AGPAT4: variants seen among roughly 807,000 people sequenced by gnomAD.
AGPAT4 encodes 1-acyl-sn-glycerol-3-phosphate acyltransferase delta.
Under a neutral mutation model 48.0 loss-of-function variants are expected in AGPAT4, and 15 were observed. The observed-to-expected ratio is 0.31, with a 90% confidence interval of 0.21 to 0.48. The LOEUF (loss-of-function observed/expected upper bound fraction) is 0.48. Among genes scored for constraint, AGPAT4 ranks in the 20% least tolerant of loss-of-function variants. The pLI, the probability that AGPAT4 is intolerant of heterozygous loss-of-function variation, is 0.99. For missense variants in AGPAT4, 314 were observed against 482.5 expected, an observed-to-expected ratio of 0.65 and a Z score of 3.27; for synonymous variants, 178 against 198.7, an observed-to-expected ratio of 0.90 and a Z score of 0.88.
At chr6:161,191,656 C>G (rs1388592705) in intron 2 of AGPAT4, among the ~76,000 whole-genome samples, 1 of 152,182 alleles carries the variant, frequency 6.6e-6, no homozygotes, top group Non-Finnish European at 1.5e-5. Context: ...ATTAAAAGTA[C>G]AAGGTTAAAT....
chr6:161,242,013 G>A lies in AGPAT4; in HGVS notation c.-89-9711C>T, dbSNP rs770607719. ...CTTCCAAAGTGCTGGGATTACAGGC[G>A]TGAGCCACAGCACCTGGCCAAAAAT... is the stretch of plus-strand genomic sequence containing the variant. On this transcript the variant is annotated intron_variant, in intron 1 of 8. Coordinates refer to ENST00000320285, the MANE Select transcript of AGPAT4 (RefSeq NM_020133.3). The surrounding 1 kb of genome is among the most constrained non-coding windows in gnomAD (Gnocchi z 5.0). 2.1e-4 allele frequency among the ~76,000 whole-genome samples: 32 copies of A among 152,214 alleles called. No homozygotes were observed. Among genetic ancestry groups the A allele is most frequent in the Non-Finnish European group, 4.0e-4 (27 of 68,046 alleles).
In AGPAT4 at chr6:161,219,385, G is replaced by A. The variant is rs931916812; in HGVS notation, c.178+12651C>T. 4.3e-4 allele frequency among the ~76,000 whole-genome samples: 65 copies of A among 151,624 alleles called. No homozygotes were observed. The highest frequency in any genetic ancestry group is 8.4e-4 in the Non-Finnish European group (57 of 67,974). Reference sequence around the variant, plus strand: ...ATGATAGAATATGATGGCATGATACGAGATGAGATAAAAGGAACATAAATA... The same window carrying A: ...ATGATAGAATATGATGGCATGATACAAGATGAGATAAAAGGAACATAAATA... On this transcript the variant is annotated intron_variant, in intron 2 of 8. Transcript: ENST00000320285. The surrounding 1 kb of genome is among the most constrained non-coding windows in gnomAD (Gnocchi z 4.9).
chr6:161,252,678 T>G (rs1193680504), intron 1 of AGPAT4, among the ~76,000 whole-genome samples: 1 of 151,388 alleles, frequency 6.6e-6, no homozygotes, highest in Non-Finnish European at 1.5e-5. Context: ...GTCATGGTGG[T>G]GCACATCTGT....
rs112510163 is a variant in AGPAT4 at position 161,155,578 on chromosome 6, T to C, written c.349-1268A>G. Among the ~76,000 whole-genome samples, 10 of 152,246 alleles carry C rather than the reference T, an allele frequency of 6.6e-5. No homozygotes were observed. Among genetic ancestry groups the C allele is most frequent in the African/African-American group, 2.4e-4 (10 of 41,466 alleles). ...CTACTTTAAAAAAACAAGAAACTTCTTCCCTCACATGGGATAGAAAAGGCA... is the reference window on the plus strand; with the variant it reads ...CTACTTTAAAAAAACAAGAAACTTCCTCCCTCACATGGGATAGAAAAGGCA... On this transcript the variant is annotated intron_variant, in intron 3 of 8. Coordinates refer to ENST00000320285, the MANE Select transcript of AGPAT4 (RefSeq NM_020133.3). This position sits in a 1 kb window ranked among gnomAD's most constrained non-coding sequence, Gnocchi z 5.8.
rs190592518 is a variant in AGPAT4 at position 161,232,866 on chromosome 6, A to G, written c.-89-564T>C. On this transcript the variant is annotated intron_variant, in intron 1 of 8. Transcript: ENST00000320285. This position sits in a 1 kb window ranked among gnomAD's most constrained non-coding sequence, Gnocchi z 6.8. ...ATACCCAGAGTGGGTGCCACCCCTCAAGCAACCGGGACTAGGGAAGCATTT... is the reference window on the plus strand; with the variant it reads ...ATACCCAGAGTGGGTGCCACCCCTCGAGCAACCGGGACTAGGGAAGCATTT... Among the ~76,000 whole-genome samples, 145 of 152,330 alleles carry G rather than the reference A, an allele frequency of 9.5e-4. No homozygotes were observed. The highest frequency in any genetic ancestry group is 3.3e-3 in the African/African-American group (137 of 41,576).
Position 161,166,255 on chromosome 6 carries a change from A to T in AGPAT4, c.341T>A (p.Leu114Gln), listed in dbSNP as rs755548921. 1 of 1,614,030 alleles carries T rather than the reference A, an allele frequency of 6.2e-7. No individual in the cohort carries two copies. Among genetic ancestry groups the T allele is most frequent in the Non-Finnish European group, 8.5e-7 (1 of 1,179,950 alleles). Residue 114 changes from leucine to glutamine, a missense_variant, in exon 3 of 9, where the codon CTG becomes CAG. By Grantham distance (113) the Leu-to-Gln change is moderately radical. Transcript: ENST00000320285. The surrounding 1 kb of genome is among the most constrained non-coding windows in gnomAD (Gnocchi z 6.7). ...CGWSLSERFG[L>Q]LGGSKVLAKK... Reference sequence around the variant, plus strand: ...AATGCACTTCTGACTTACCCCTAACAGCCCAAAGCGTTCGGACAGGCTCCA... The same window carrying T: ...AATGCACTTCTGACTTACCCCTAACTGCCCAAAGCGTTCGGACAGGCTCCA...
At chr6:161,207,235 T>C (rs1357551133) in intron 2 of AGPAT4, among the ~76,000 whole-genome samples, 1 of 152,228 alleles carries the variant, frequency 6.6e-6, no homozygotes, top group Non-Finnish European at 1.5e-5. Context: ...TTAAAAGTAG[T>C]AATGAAATCA....
At position 161,215,329 on chromosome 6, in the gene AGPAT4, G is replaced by A. The variant is rs540866345; in HGVS notation, c.178+16707C>T. Among the ~76,000 whole-genome samples the A allele has an allele frequency of 6.6e-5, 10 of 152,238 alleles. 1 individual carries two copies. The highest frequency in any genetic ancestry group is 6.8e-3 in the Middle Eastern group (2 of 294). ...GTTGAAAATGTTTACACATCCCAGC[G>A]GACATATTTGTGCTGAATCTCAAGG... On this transcript the variant is annotated intron_variant, in intron 2 of 8. Coordinates refer to ENST00000320285, the MANE Select transcript of AGPAT4 (RefSeq NM_020133.3). This position sits in a 1 kb window ranked among gnomAD's most constrained non-coding sequence, Gnocchi z 4.5.
At chr6:161,250,711 CA>C (rs1407063132) in intron 1 of AGPAT4, among the ~76,000 whole-genome samples, 1 of 151,858 alleles carries the variant, frequency 6.6e-6, no homozygotes, top group Admixed American at 6.6e-5. Context: ...CAAATATTGC[CA>C]AAATATTTGT....
rs1781818871 is a variant in AGPAT4 at position 161,220,958 on chromosome 6, T to A, written c.178+11078A>T. On this transcript the variant is annotated intron_variant, in intron 2 of 8. Coordinates refer to ENST00000320285, the MANE Select transcript of AGPAT4 (RefSeq NM_020133.3). The surrounding 1 kb of genome is among the most constrained non-coding windows in gnomAD (Gnocchi z 6.0). The stretch of plus-strand genomic sequence containing the variant: ...GCCACCACACCTGGCTAATTTTTTT[T>A]ATTTTTAGTAGAGACGGGGTTTACC... Among the ~76,000 whole-genome samples, 1 of 151,966 alleles carries A rather than the reference T, an allele frequency of 6.6e-6. No homozygotes were observed.
intron 1 of AGPAT4, among the ~76,000 whole-genome samples, chr6:161,258,171 A>G (rs1001866245): frequency 3.3e-5 from 5 of 152,162 alleles, no homozygotes; most frequent in African/African-American, 1.2e-4. Flanking sequence ...TTTTTCCTCC[A>G]TGAGACCTCA....
intron 1 of AGPAT4, among the ~76,000 whole-genome samples, chr6:161,237,312 C>T (rs6455711): frequency 0.46 from 69,903 of 152,150 alleles, 17,134 homozygotes; most frequent in African/African-American, 0.62. Flanking sequence ...AGGGCACATA[C>T]TGAAAAAGTG....
chr6:161,198,721 G>C lies in AGPAT4; in HGVS notation c.179-32304C>G, dbSNP rs1460746251. On this transcript the variant is annotated intron_variant, in intron 2 of 8. Transcript: ENST00000320285. This position sits in a 1 kb window ranked among gnomAD's most constrained non-coding sequence, Gnocchi z 4.3. ...TAAGCTCACATGTAGAAGGAACTCC[G>C]CAGAGTGCTGGGAACACTATATGCA... Among the ~76,000 whole-genome samples the C allele has an allele frequency of 6.6e-6, 1 of 151,568 alleles. No homozygotes were observed. The highest frequency in any genetic ancestry group is 2.1e-4 in the South Asian group (1 of 4,824).
rs1583277748 is a variant in AGPAT4 at position 161,144,936 on chromosome 6, G to A, written c.843+1588C>T. 6.6e-6 allele frequency among the ~76,000 whole-genome samples: 1 copy of A among 151,790 alleles called. No individual in the cohort carries two copies. Among genetic ancestry groups the A allele is most frequent in the Non-Finnish European group, 1.5e-5 (1 of 68,006 alleles). On this transcript the variant is annotated intron_variant, in intron 7 of 8. Transcript: ENST00000320285. The surrounding 1 kb of genome is among the most constrained non-coding windows in gnomAD (Gnocchi z 6.6). Reference sequence around the variant, plus strand: ...GCAGAGCTTGCAGTGAGCCGAGATCGCGCCACTGCACTCCAGCCTGGGAGA... The same window carrying A: ...GCAGAGCTTGCAGTGAGCCGAGATCACGCCACTGCACTCCAGCCTGGGAGA...
intron 1 of AGPAT4, among the ~76,000 whole-genome samples, chr6:161,260,167 G>A (rs968404391): frequency 6.6e-6 from 1 of 152,180 alleles, no homozygotes; most frequent in Non-Finnish European, 1.5e-5. Context: ...GCACATGGGA[G>A]TGTCCTCTTC....
rs137907248 is a variant in AGPAT4, at chr6:161,198,249, G to A, written c.179-31832C>T. On this transcript the variant is annotated intron_variant, in intron 2 of 8. Coordinates refer to ENST00000320285, the MANE Select transcript of AGPAT4 (RefSeq NM_020133.3). This position sits in a 1 kb window ranked among gnomAD's most constrained non-coding sequence, Gnocchi z 4.3. ...TCTAAATTATACTTCTTGCTTGTACGTAAATATAATCTCAAGTAATTTTTC... is the reference window on the plus strand; with the variant it reads ...TCTAAATTATACTTCTTGCTTGTACATAAATATAATCTCAAGTAATTTTTC... Among the ~76,000 whole-genome samples the A allele has an allele frequency of 2.6e-4, 39 of 152,272 alleles. 1 individual carries two copies. Among genetic ancestry groups the A allele is most frequent in the African/African-American group, 7.9e-4 (33 of 41,550 alleles).
Position 161,175,257 on chromosome 6 carries a change from G to A in AGPAT4, c.179-8840C>T, listed in dbSNP as rs562538026. Among the ~76,000 whole-genome samples, 30 of 152,192 alleles carry A rather than the reference G, an allele frequency of 2.0e-4. No homozygotes were observed. The South Asian group carries it at 5.8e-3, about 29-fold the overall frequency. On this transcript the variant is annotated intron_variant, in intron 2 of 8. Transcript: ENST00000320285. The stretch of plus-strand genomic sequence containing the variant: ...CCTCTTTGTACCTCTGGTAGAATTC[G>A]GCTGTGAATCCATCTGGTCCTGGAC...
At position 161,253,400 on chromosome 6, in the gene AGPAT4, A is replaced by G. The variant is rs1378408238; in HGVS notation, c.-90+20538T>C. Among the ~76,000 whole-genome samples, 9 of 149,886 alleles carry G rather than the reference A, an allele frequency of 6.0e-5. No individual in the cohort carries two copies. In the East Asian group the frequency reaches 1.6e-3, roughly 27 times the overall value. On this transcript the variant is annotated intron_variant, in intron 1 of 8. Coordinates refer to ENST00000320285, the MANE Select transcript of AGPAT4 (RefSeq NM_020133.3). ...CTCCCGAGTAGCTGGGACTACAGGCACCCGCCACCATGCCCAGCTAATTTT... is the reference window on the plus strand; with the variant it reads ...CTCCCGAGTAGCTGGGACTACAGGCGCCCGCCACCATGCCCAGCTAATTTT...
chr6:161,239,866 A>C (rs1375146253), intron 1 of AGPAT4, among the ~76,000 whole-genome samples: 8 of 152,158 alleles, frequency 5.3e-5, no homozygotes, highest in Admixed American at 3.9e-4. Context: ...TAGGGCCTTA[A>C]ACAGCTTCAT....
Sources: allele counts gnomAD v4.1 joint callset (sites outside exome capture counted in the v4.1 genomes callset), GRCh38; gene constraint gnomAD v4.1.1; non-coding constraint Gnocchi (gnomAD v3.1); transcripts MANE v1.5; gene names NCBI Gene and HGNC (gene_info 2026-07-23, HGNC 2026-07-21).